NEMP1: variants seen among roughly 807,000 people sequenced by gnomAD.
NEMP1 encodes the protein transmembrane protein 194.
In NEMP1, 29 loss-of-function variants were observed where a neutral mutation model predicts 53.7. The ratio of observed to expected loss-of-function variants is 0.54; its 90% confidence interval spans 0.40 to 0.74. The LOEUF (loss-of-function observed/expected upper bound fraction) is 0.74, where lower values mean the gene tolerates loss of function less well. Ranked by LOEUF, NEMP1 falls within the 30% of genes least tolerant of loss-of-function variation. The pLI is 0.00. For missense variants in NEMP1, 477 were observed against 528.6 expected (o/e 0.90, Z 0.96); for synonymous variants, 193 against 192.9 (o/e 1.00, Z 0.00).
At chr12:57,071,915 G>A (rs563944202) in intron 2 of NEMP1, among the ~76,000 whole-genome samples, 3 of 152,140 alleles carry the variant, frequency 2.0e-5, no homozygotes, top group South Asian at 2.1e-4. Context: ...TAACAACTAC[G>A]ACATTTCTGA....
At chr12:57,080,893 C>CAAA (rs60838518), upstream of NEMP1, among the ~76,000 whole-genome samples, 2 of 86,948 alleles carry the variant, frequency 2.3e-5, no homozygotes, top group Non-Finnish European at 2.6e-5. Flanking sequence ...TCTCTTGTCT[C>CAAA]AAAAAAAAAA....
chr12:57,084,923 C>G (rs2032947326), intron 1 of NEMP1, among the ~76,000 whole-genome samples: 1 of 151,988 alleles, frequency 6.6e-6, no homozygotes, highest in Admixed American at 6.6e-5. Context: ...AAGTAGTGGA[C>G]AATAATAGAT....
intron 1 of NEMP1, among the ~76,000 whole-genome samples, chr12:57,075,385 T>C (rs1407615765): frequency 3.0e-4 from 38 of 126,012 alleles, no homozygotes; most frequent in Admixed American, 2.6e-4. Context: ...AAGACTCCAT[T>C]TCAATATAAA....
chr12:57,084,219 C>T (rs1209164557), intron 1 of NEMP1, among the ~76,000 whole-genome samples: 1 of 152,200 alleles, frequency 6.6e-6, no homozygotes, highest in Non-Finnish European at 1.5e-5. Flanking sequence ...ACCTCAGCCT[C>T]CCAAAGTGCT....
At chr12:57,068,508 G>A (rs898165806) in intron 4 of NEMP1, among the ~76,000 whole-genome samples, 6 of 152,146 alleles carry the variant, frequency 3.9e-5, no homozygotes, top group South Asian at 2.1e-4. Context: ...ATACCACCAC[G>A]TCCAGCTAAT....
chr12:57,081,769 T>C (rs1056071340), upstream of NEMP1, among the ~76,000 whole-genome samples: 3 of 142,714 alleles, frequency 2.1e-5, no homozygotes, highest in Non-Finnish European at 4.6e-5. Context: ...TAGTCGGGCG[T>C]GGTGGCAGGT....
At chr12:57,083,636 CAT>C (rs1022394441), upstream of NEMP1, among the ~76,000 whole-genome samples, 3 of 152,328 alleles carry the variant, frequency 2.0e-5, no homozygotes, top group South Asian at 2.1e-4. Context: ...TGGAATGACA[CAT>C]ATGACTTCAT....
At chr12:57,086,833 A>C (rs2033009923) in intron 1 of NEMP1, among the ~76,000 whole-genome samples, 1 of 152,252 alleles carries the variant, frequency 6.6e-6, no homozygotes, top group African/African-American at 2.4e-5. Flanking sequence ...AAGTGGATAT[A>C]AAGAAACATA....
chr12:57,085,812 T>C (rs2032973926), intron 1 of NEMP1, among the ~76,000 whole-genome samples: 1 of 152,208 alleles, frequency 6.6e-6, no homozygotes, highest in South Asian at 2.1e-4. Context: ...GGGAAAGAGA[T>C]ATGGAAAACA....
At chr12:57,086,882 G>T (rs564123688) in intron 1 of NEMP1, among the ~76,000 whole-genome samples, 1 of 152,366 alleles carries the variant, frequency 6.6e-6, no homozygotes, top group African/African-American at 2.4e-5. Context: ...CAAACTGGCA[G>T]TAGCGTCTTA....
rs35908183 is a variant in NEMP1 at position 57,086,527 on chromosome 12, T to TC, written n.113+1423dup. ...GTCCCCACTCCCTTTTTGTCACCAC[T>TC]CCCCCCCCCCCACACACACACCTGT... On this transcript the variant is annotated intron_variant and non_coding_transcript_variant, in intron 1 of 2. Coordinates refer to the NEMP1 transcript ENST00000553654. 2.4e-3 allele frequency among the ~76,000 whole-genome samples: 363 copies of TC among 149,190 alleles called. 2 individuals are homozygous for TC. In the South Asian group the frequency reaches 0.025, roughly 10 times the overall value.
rs766306526 is a variant in NEMP1, at chr12:57,078,698, C to A, written c.48G>T (p.Gly16=). The A allele has an allele frequency of 1.1e-5, 18 of 1,613,392 alleles. No individual in the cohort carries two copies. Among genetic ancestry groups the A allele is most frequent in the Middle Eastern group, 1.6e-4 (1 of 6,082 alleles). ...KVAVSPAVGP[G]PWGSGVGGGG... ...CGCCCCCGACTCCCGAGCCCCAGGG[C>A]CCGGGACCAACTGCCGGCGAGACCG... The change falls in exon 1 of 9, where the codon GGG becomes GGT. Residue 16 remains glycine, a synonymous_variant. Coordinates refer to ENST00000300128, the MANE Select transcript of NEMP1 (RefSeq NM_001130963.2).
chr12:57,057,846 A>G lies in NEMP1; in HGVS notation c.*2033T>C, dbSNP rs2136474542. On this transcript the variant is annotated 3_prime_UTR_variant, in exon 9 of 9. Coordinates refer to ENST00000300128, the MANE Select transcript of NEMP1 (RefSeq NM_001130963.2). Reference sequence around the variant, plus strand: ...GAAAAGTCACCCTTATAGGCAAGCTATCACCTCCCTAAGTAGGGGAGGCAC... The same window carrying G: ...GAAAAGTCACCCTTATAGGCAAGCTGTCACCTCCCTAAGTAGGGGAGGCAC... The G allele has an allele frequency of 6.6e-6, 1 of 152,352 alleles. No homozygotes were observed. The highest frequency in any genetic ancestry group is 1.5e-5 in the Non-Finnish European group (1 of 68,028). The allele number at this position is 152,352 out of a possible 1,614,324, so 9.4% of individuals were successfully genotyped here.
In NEMP1 at chr12:57,060,941, C is replaced by T; in HGVS notation, c.985G>A (p.Val329Met). 6.2e-7 allele frequency: 1 copy of T among 1,612,168 alleles called. No individual in the cohort carries two copies. Among genetic ancestry groups the T allele is most frequent in the Non-Finnish European group, 8.5e-7 (1 of 1,179,466 alleles). ...ACAGGCTTTTCTGCTCCCTTACACA[C>T]CTTTCTGTGCTCACCAAAATAACAT... ...IQWLYITCRK[V>M]CKGAEKPVPP... Residue 329 changes from valine to methionine, a missense_variant, in exon 8 of 9, where the codon GTG becomes ATG. Physicochemically the swap from Val to Met is conservative, Grantham distance 21. Transcript: ENST00000300128.
intron 1 of NEMP1, 118 bp downstream of exon 1, chr12:57,078,500 GC>G: frequency 7.4e-7 from 1 of 1,359,406 alleles, no homozygotes; most frequent in Non-Finnish European, 9.9e-7. Context: ...TACGCCGGCG[GC>G]CCTCGGTAGA....
chr12:57,061,556 G>C (rs2031803104), intron 7 of NEMP1, among the ~76,000 whole-genome samples: 1 of 152,064 alleles, frequency 6.6e-6, no homozygotes, highest in African/African-American at 2.4e-5. Context: ...AGCCAGGCAT[G>C]GTGGTGCATA....
chr12:57,058,504 T>A lies in NEMP1; in HGVS notation c.*1375A>T, dbSNP rs748785282. On this transcript the variant is annotated 3_prime_UTR_variant, in exon 9 of 9. Transcript: ENST00000300128. ...CAAGTAAATGACAGACACTTGAGAATTTGCTTCCTCACAGATGACATTGCT... is the reference window on the plus strand; with the variant it reads ...CAAGTAAATGACAGACACTTGAGAAATTGCTTCCTCACAGATGACATTGCT... The A allele has an allele frequency of 1.3e-5, 2 of 152,238 alleles. No individual in the cohort carries two copies. The highest frequency in any genetic ancestry group is 4.8e-5 in the African/African-American group (2 of 41,462). 9.4% of individuals were successfully genotyped at this position (152,238 alleles called of 1,614,324 possible). A position where few individuals can be genotyped will look rare whatever the true frequency, so the allele number is the denominator to read the frequency against.
At chr12:57,072,359 G>C (rs1395771559) in intron 2 of NEMP1, among the ~76,000 whole-genome samples, 2 of 152,094 alleles carry the variant, frequency 1.3e-5, no homozygotes, top group African/African-American at 4.8e-5. Flanking sequence ...AGAATCGCTT[G>C]AACCCGGGAG....
intron 1 of NEMP1, among the ~76,000 whole-genome samples, chr12:57,074,112 G>A (rs1441832534): frequency 6.6e-6 from 1 of 151,428 alleles, no homozygotes; most frequent in African/African-American, 2.4e-5. Context: ...AGGACTACAG[G>A]TATACACCAC....
Sources: gnomAD v4.1 joint callset for allele counts (sites outside exome capture counted in the v4.1 genomes callset) on GRCh38, gnomAD v4.1.1 for gene constraint, MANE v1.5 for transcripts, NCBI Gene and HGNC (gene_info 2026-07-23, HGNC 2026-07-21) for gene names.